The following SNTG2 variants were observed in gnomAD, a reference collection of about 807,000 sequenced individuals.
The protein encoded by SNTG2 is syntrophin gamma 2, also known as gamma-2-syntrophin.
A neutral mutation model predicts 70.9 loss-of-function variants in SNTG2; 74 were observed. That is an observed-to-expected ratio of 1.04 (90% CI 0.86 to 1.27). SNTG2 has a LOEUF of 1.27. Ranked by LOEUF, SNTG2 falls within the 50% of genes most tolerant of loss-of-function variation. SNTG2 has a pLI of 0.00. For synonymous variants in SNTG2, 278 were observed against 273.8 expected, an observed-to-expected ratio of 1.02 and a Z score of -0.15; for missense variants, 717 against 690.7, an observed-to-expected ratio of 1.04 and a Z score of -0.43.
intron 16 of SNTG2, among the ~76,000 whole-genome samples, chr2:1,363,413 G>T (rs1057159906): frequency 2.0e-5 from 3 of 152,110 alleles, no homozygotes; most frequent in Admixed American, 6.5e-5. Context: ...GCTTGCAATT[G>T]CCTACATAGT....
chr2:1,096,339 G>C (rs1295608591), intron 2 of SNTG2, among the ~76,000 whole-genome samples: 1 of 152,038 alleles, frequency 6.6e-6, no homozygotes, highest in African/African-American at 2.4e-5. Context: ...TGTTTTTTGT[G>C]GTGAGGACAT....
chr2:1,080,173 C>T (rs1308092296), intron 1 of SNTG2, among the ~76,000 whole-genome samples: 1 of 146,706 alleles, frequency 6.8e-6, no homozygotes, highest in Non-Finnish European at 1.5e-5. Flanking sequence ...CAAGAATGTG[C>T]TCAGATGCAT....
At chr2:1,155,170 CCCCCCCCCCACACACAT>C in intron 6 of SNTG2, among the ~76,000 whole-genome samples, 1 of 3,786 alleles carries the variant, frequency 2.6e-4, no homozygotes, top group African/African-American at 5.0e-4. Context: ...CACACGTAGA[CCCCCCCCCCACACACAT>C]ATATAGACCA....
intron 16 of SNTG2, among the ~76,000 whole-genome samples, chr2:1,330,329 T>C (rs2148283006): frequency 6.6e-6 from 1 of 152,328 alleles, no homozygotes; most frequent in South Asian, 2.1e-4. Context: ...AGGAGAGGGA[T>C]TCTGTGGTGG....
chr2:1,186,625 T>G (rs1209408805), intron 8 of SNTG2, among the ~76,000 whole-genome samples: 1 of 151,616 alleles, frequency 6.6e-6, no homozygotes, highest in Non-Finnish European at 1.5e-5. Flanking sequence ...GTAGCTAGAG[T>G]GGGAGGAAGA....
intron 14 of SNTG2, among the ~76,000 whole-genome samples, chr2:1,305,854 T>C (rs1486122266): frequency 1.3e-5 from 2 of 152,232 alleles, no homozygotes; most frequent in African/African-American, 4.8e-5. Context: ...CTTTGTCCTG[T>C]GCCGTAAAGA....
At chr2:1,242,896 G>A (rs1221194479) in intron 11 of SNTG2, 1 of 152,164 alleles carries the variant, frequency 6.6e-6, no homozygotes, top group East Asian at 1.9e-4. Flanking sequence ...CCTTATTAAG[G>A]TGGTACAGTC....
rs571281685 is a variant in SNTG2 at position 1,317,359 on chromosome 2, G to C, written c.1488+984G>C. Among the ~76,000 whole-genome samples, 14 of 81,042 alleles carry C rather than the reference G, an allele frequency of 1.7e-4. 1 individual carries two copies. The highest frequency in any genetic ancestry group is 3.5e-4 in the East Asian group (1 of 2,838). The allele number at this position is 81,042 out of a possible 152,430, so 53.2% of individuals were successfully genotyped here. ...GTTGGGATTCTGGAACATTTAGCAT[G>C]AGGCCAGCATTGGAGAAGGTTGGGA... On this transcript the variant is annotated intron_variant, in intron 16 of 16. Transcript: ENST00000308624.
intron 1 of SNTG2, among the ~76,000 whole-genome samples, chr2:1,031,973 CTG>C (rs1385314521): frequency 2.6e-5 from 4 of 152,014 alleles, no homozygotes; most frequent in African/African-American, 7.2e-5. Flanking sequence ...TTGCACAACT[CTG>C]TGAATACAGT....
chr2:1,067,171 G>A (rs1663218079), intron 1 of SNTG2, among the ~76,000 whole-genome samples: 1 of 150,204 alleles, frequency 6.7e-6, no homozygotes, highest in African/African-American at 2.4e-5. Context: ...GCACTAAAAT[G>A]TTGTGTAACA....
intron 14 of SNTG2, among the ~76,000 whole-genome samples, chr2:1,293,624 GTTGT>G (rs1349764038): frequency 4.6e-5 from 7 of 151,832 alleles, no homozygotes; most frequent in East Asian, 3.9e-4. Context: ...GTAAGAATGG[GTTGT>G]TTAAGTTGCA....
At chr2:1,081,589 A>G (rs558255085) in intron 1 of SNTG2, among the ~76,000 whole-genome samples, 1 of 152,350 alleles carries the variant, frequency 6.6e-6, no homozygotes, top group East Asian at 1.9e-4. Context: ...GCCACACCCC[A>G]TGCACCTGGG....
intron 9 of SNTG2, among the ~76,000 whole-genome samples, chr2:1,224,086 G>A (rs1356062417): frequency 1.3e-5 from 2 of 152,156 alleles, no homozygotes; most frequent in Non-Finnish European, 2.9e-5. Flanking sequence ...AAGGGGTGAG[G>A]GTCTCCCTGC....
At chr2:1,119,906 C>T (rs1036868629) in intron 4 of SNTG2, among the ~76,000 whole-genome samples, 9 of 151,890 alleles carry the variant, frequency 5.9e-5, no homozygotes, top group African/African-American at 2.2e-4. Context: ...TTGAATATTA[C>T]AAATAAGAAA....
intron 14 of SNTG2, among the ~76,000 whole-genome samples, chr2:1,272,975 A>G (rs35537498): frequency 0.31 from 46,525 of 152,062 alleles, 8,028 homozygotes; most frequent in African/African-American, 0.47. Context: ...CGTTTATGAA[A>G]TTTTCCTAGG....
intron 1 of SNTG2, among the ~76,000 whole-genome samples, chr2:1,069,506 A>T (rs1663382957): frequency 6.6e-6 from 1 of 151,932 alleles, no homozygotes; most frequent in African/African-American, 2.4e-5. Context: ...AAAAAAACAA[A>T]AACAGGCTGG....
intron 1 of SNTG2, among the ~76,000 whole-genome samples, chr2:985,764 G>A (rs954533588): frequency 3.3e-5 from 5 of 152,048 alleles, no homozygotes; most frequent in African/African-American, 7.2e-5. Context: ...GGAAGCCGAC[G>A]CTGGTTGGCT....
intron 1 of SNTG2, among the ~76,000 whole-genome samples, chr2:1,012,118 G>A (rs1186573600): frequency 6.6e-6 from 1 of 152,094 alleles, no homozygotes; most frequent in African/African-American, 2.4e-5. Flanking sequence ...ATAATAATCT[G>A]CCTCCTCTTC....
intron 4 of SNTG2, among the ~76,000 whole-genome samples, chr2:1,106,119 T>G (rs368045212): frequency 0.011 from 1,397 of 122,946 alleles, 73 homozygotes; most frequent in Middle Eastern, 0.017. Context: ...TCCTTGGTAA[T>G]AGTGGACACC....
Sources: allele counts gnomAD v4.1 joint callset (sites outside exome capture counted in the v4.1 genomes callset), GRCh38; gene constraint gnomAD v4.1.1; transcripts MANE v1.5; gene names NCBI Gene and HGNC (gene_info 2026-07-23, HGNC 2026-07-21).